Variants in DYM observed in about 807,000 individuals in gnomAD.
The protein encoded by DYM is dyggve-Melchior-Clausen syndrome protein.
A neutral mutation model predicts 93.1 loss-of-function variants in DYM; 78 were observed. That is an observed-to-expected ratio of 0.84 (90% CI 0.70 to 1.01). The LOEUF (loss-of-function observed/expected upper bound fraction) is 1.01. DYM is among the 50% of genes least tolerant of loss of function. The pLI, the probability that DYM is intolerant of heterozygous loss-of-function variation, is 0.00. For missense variants in DYM, 789 were observed against 845.0 expected (o/e 0.93, Z 0.82); for synonymous variants, 321 against 319.7 (o/e 1.00, Z -0.04).
chr18:49,379,885 C>T, intron 3 of DYM, 127 bp from the exon 4 acceptor site: 1 of 731,144 alleles, frequency 1.4e-6, no homozygotes. Context: ...CTGTTAATTT[C>T]ATACCTAATT....
At chr18:49,308,896 T>G (rs2061426624) in intron 8 of DYM, among the ~76,000 whole-genome samples, 1 of 152,136 alleles carries the variant, frequency 6.6e-6, no homozygotes, top group African/African-American at 2.4e-5. Flanking sequence ...GGCAAAATAC[T>G]GAAAACCACC....
chr18:49,233,010 T>C (rs2093752895), intron 13 of DYM, among the ~76,000 whole-genome samples: 1 of 152,136 alleles, frequency 6.6e-6, no homozygotes, highest in African/African-American at 2.4e-5. Flanking sequence ...AATACAAAAA[T>C]ACATGGATTG....
intron 16 of DYM, among the ~76,000 whole-genome samples, chr18:49,108,121 C>A (rs921518169): frequency 2.6e-5 from 4 of 152,238 alleles, no homozygotes; most frequent in African/African-American, 9.6e-5. Context: ...GCCCCTCCCC[C>A]AGCCTCACTG....
intron 3 of DYM, among the ~76,000 whole-genome samples, chr18:49,387,160 T>G (rs1599837985): frequency 6.6e-6 from 1 of 152,108 alleles, no homozygotes; most frequent in Admixed American, 6.5e-5. Flanking sequence ...GACTCAAGAA[T>G]CCTCCCGCCT....
At chr18:49,096,270 T>C (rs748733194) in intron 17 of DYM, among the ~76,000 whole-genome samples, 6 of 152,230 alleles carry the variant, frequency 3.9e-5, no homozygotes, top group African/African-American at 9.6e-5. Flanking sequence ...ACCGTGTGAA[T>C]CTCCCTGTTG....
intron 10 of DYM, 45 bp downstream of exon 10, chr18:49,281,952 T>C (rs1338203835): frequency 6.3e-7 from 1 of 1,588,166 alleles, no homozygotes; most frequent in East Asian, 2.2e-5. Context: ...TAAAGTATAA[T>C]TAAAAAAAAA....
intron 14 of DYM, chr18:49,208,859 G>C (rs2146085920): frequency 6.6e-6 from 1 of 151,974 alleles, no homozygotes; most frequent in Non-Finnish European, 1.5e-5. Flanking sequence ...AGCACAAAGT[G>C]GTAATGTCAT....
chr18:49,336,246 A>G (rs2063664664), intron 6 of DYM, among the ~76,000 whole-genome samples: 1 of 152,232 alleles, frequency 6.6e-6, no homozygotes, highest in South Asian at 2.1e-4. Flanking sequence ...TTAAACCAAA[A>G]TCTATGACTA....
At chr18:49,456,448 CAACCT>C (rs1453769437) in intron 1 of DYM, among the ~76,000 whole-genome samples, 6 of 152,092 alleles carry the variant, frequency 3.9e-5, no homozygotes, top group Non-Finnish European at 7.3e-5. Context: ...GTGACTGACT[CAACCT>C]AACAAAGAAA....
intron 17 of DYM, among the ~76,000 whole-genome samples, chr18:49,059,552 A>G (rs561989072): frequency 1.3e-5 from 2 of 152,318 alleles, no homozygotes; most frequent in African/African-American, 4.8e-5. Flanking sequence ...CCAGGACCCT[A>G]ACACAATGGT....
At chr18:49,339,329 G>GCCT (rs1192443497) in intron 6 of DYM, among the ~76,000 whole-genome samples, 1 of 152,180 alleles carries the variant, frequency 6.6e-6, no homozygotes, top group East Asian at 1.9e-4. Context: ...CCCCAATCAT[G>GCCT]CCTGCTTCCT....
intron 3 of DYM, 115 bp downstream of exon 3, chr18:49,391,478 T>C (rs2069246325): frequency 2.7e-6 from 3 of 1,092,826 alleles, no homozygotes; most frequent in Middle Eastern, 2.2e-4. Flanking sequence ...TAGAAAAAAT[T>C]ATTACTATTG....
chr18:49,137,863 G>A (rs1314917916), intron 15 of DYM, among the ~76,000 whole-genome samples: 16 of 152,078 alleles, frequency 1.1e-4, no homozygotes, highest in South Asian at 2.1e-4. Context: ...CTTGGGAAGC[G>A]CCTAAATGTG....
At chr18:49,436,858 G>A (rs1395926302) in intron 1 of DYM, among the ~76,000 whole-genome samples, 1 of 152,090 alleles carries the variant, frequency 6.6e-6, no homozygotes, top group East Asian at 1.9e-4. Flanking sequence ...ATAACAATTT[G>A]TTCTCAGTTA....
At chr18:49,195,332 C>A (rs2091339440) in intron 14 of DYM, among the ~76,000 whole-genome samples, 1 of 152,152 alleles carries the variant, frequency 6.6e-6, no homozygotes, top group South Asian at 2.1e-4. Context: ...GTGTATACAA[C>A]AGGTAATGAT....
chr18:49,221,038 A>T (rs1197942227), intron 13 of DYM, among the ~76,000 whole-genome samples: 3 of 152,292 alleles, frequency 2.0e-5, no homozygotes, highest in Non-Finnish European at 2.9e-5. Context: ...GAATCTACAA[A>T]GAACTCAAAC....
chr18:49,386,510 A>G (rs1193238096), intron 3 of DYM, among the ~76,000 whole-genome samples: 1 of 152,188 alleles, frequency 6.6e-6, no homozygotes, highest in African/African-American at 2.4e-5. Context: ...ACCCCAGTCT[A>G]AGCATGAGAA....
At chr18:49,428,261 G>C (rs1221330654) in intron 2 of DYM, among the ~76,000 whole-genome samples, 12 of 151,644 alleles carry the variant, frequency 7.9e-5, no homozygotes, top group African/African-American at 2.9e-4. Context: ...GACCAGCCTG[G>C]GTAACAGAGC....
intron 15 of DYM, among the ~76,000 whole-genome samples, chr18:49,132,209 A>G (rs960452344): frequency 6.6e-6 from 1 of 152,198 alleles, no homozygotes; most frequent in African/African-American, 2.4e-5. Context: ...TTATTTAAAG[A>G]TACTTCAGCA....
Sources: allele counts gnomAD v4.1 joint callset (sites outside exome capture counted in the v4.1 genomes callset), GRCh38; gene constraint gnomAD v4.1.1; transcripts MANE v1.5; gene names NCBI Gene and HGNC (gene_info 2026-07-23, HGNC 2026-07-21).